The following HDAC9 variants were observed in gnomAD, a reference collection of about 807,000 sequenced individuals.
The protein encoded by HDAC9 is MEF-2 interacting transcription repressor (MITR) protein.
In HDAC9, 41 loss-of-function variants were observed where a neutral mutation model predicts 139.4. The observed-to-expected ratio is 0.29, with a 90% CI of 0.23 to 0.38. The LOEUF is 0.38. Among genes scored for constraint, HDAC9 ranks in the 10% least tolerant of loss-of-function variants. The probability of loss-of-function intolerance (pLI) is 1.00; values close to 1 mark genes in which losing one functional copy is unlikely to be tolerated. For synonymous variants in HDAC9, 517 were observed against 476.2 expected, an observed-to-expected ratio of 1.09 and a Z score of -1.12; for missense variants, 1,147 against 1,297.0, an observed-to-expected ratio of 0.88 and a Z score of 1.78.
intron 5 of HDAC9, 62 bp from the exon 6 acceptor site, chr7:18,593,846 T>C: frequency 6.3e-7 from 1 of 1,582,502 alleles, no homozygotes; most frequent in Non-Finnish European, 8.7e-7. Context: ...CAGCTGATTA[T>C]TGCTGACCAA....
chr7:18,873,485 TA>T (rs1376928658), intron 21 of HDAC9, among the ~76,000 whole-genome samples: 2 of 152,182 alleles, frequency 1.3e-5, no homozygotes, highest in African/African-American at 2.4e-5. Context: ...TAACATTTTT[TA>T]AATATAAAAT....
intron 25 of HDAC9, among the ~76,000 whole-genome samples, chr7:18,987,446 A>G (rs1259095551): frequency 6.6e-6 from 1 of 152,084 alleles, no homozygotes; most frequent in Non-Finnish European, 1.5e-5. Flanking sequence ...AAGCTTTTTG[A>G]TGTGCTGCTG....
chr7:18,548,233 G>A (rs10242336), intron 2 of HDAC9, among the ~76,000 whole-genome samples: 4 of 152,006 alleles, frequency 2.6e-5, no homozygotes, highest in African/African-American at 4.8e-5. Flanking sequence ...TAAGTTCGCC[G>A]TCTTATATGG....
intron 6 of HDAC9, among the ~76,000 whole-genome samples, chr7:18,609,658 TGTAGG>T (rs1418756862): frequency 6.6e-6 from 1 of 152,196 alleles, no homozygotes; most frequent in Non-Finnish European, 1.5e-5. Flanking sequence ...TACTTTAAGT[TGTAGG>T]GTACATGTGC....
intron 17 of HDAC9, among the ~76,000 whole-genome samples, chr7:18,823,768 C>A (rs1306173861): frequency 6.6e-6 from 1 of 151,896 alleles, no homozygotes; most frequent in African/African-American, 2.4e-5. Context: ...CACTTGAGCT[C>A]AGGAGTTTGA....
chr7:18,977,294 G>C (rs546595012), intron 25 of HDAC9, among the ~76,000 whole-genome samples: 1 of 152,224 alleles, frequency 6.6e-6, no homozygotes, highest in South Asian at 2.1e-4. Flanking sequence ...AAAACAGTTA[G>C]TTGTCTGTCA....
At chr7:18,283,221 A>G (rs187625527) in intron 2 of HDAC9, among the ~76,000 whole-genome samples, 2 of 152,256 alleles carry the variant, frequency 1.3e-5, no homozygotes, top group East Asian at 3.9e-4. Context: ...CAAAGAGGAA[A>G]CAGGCAGCTT....
chr7:18,359,777 T>G (rs996723862), intron 1 of HDAC9, among the ~76,000 whole-genome samples: 7 of 152,146 alleles, frequency 4.6e-5, no homozygotes, highest in African/African-American at 1.7e-4. Context: ...CCCAGCTAAC[T>G]TTTGTATTTT....
intron 1 of HDAC9, among the ~76,000 whole-genome samples, chr7:18,362,169 C>G (rs944997269): frequency 6.6e-6 from 1 of 152,210 alleles, no homozygotes; most frequent in Admixed American, 6.5e-5. Context: ...AATGATCTAA[C>G]CTTTCATACT....
intron 22 of HDAC9, among the ~76,000 whole-genome samples, chr7:18,875,893 C>T (rs1799286930): frequency 6.6e-6 from 1 of 151,922 alleles, no homozygotes; most frequent in African/African-American, 2.4e-5. Context: ...TTGAGATAAA[C>T]CCAAAAAAAT....
At chr7:18,549,165 G>T (rs1165861591) in intron 2 of HDAC9, among the ~76,000 whole-genome samples, 2 of 152,190 alleles carry the variant, frequency 1.3e-5, no homozygotes, top group African/African-American at 4.8e-5. Context: ...TTGGACCTGG[G>T]AGGTGGGGGT....
chr7:18,648,739 C>A, intron 11 of HDAC9, 56 bp downstream of exon 11: 1 of 1,419,970 alleles, frequency 7.0e-7, no homozygotes, highest in South Asian at 1.2e-5. Context: ...AATTGGGTAT[C>A]TCTTCACTGA....
At chr7:18,737,568 G>T (rs1269007076) in intron 13 of HDAC9, among the ~76,000 whole-genome samples, 1 of 151,950 alleles carries the variant, frequency 6.6e-6, no homozygotes, top group Non-Finnish European at 1.5e-5. Flanking sequence ...GTTTTCATTA[G>T]AATTAATTAG....
chr7:18,406,613 T>A (rs1248304077), intron 1 of HDAC9, among the ~76,000 whole-genome samples: 1 of 152,150 alleles, frequency 6.6e-6, no homozygotes, highest in African/African-American at 2.4e-5. Flanking sequence ...ATGGTCTCAA[T>A]CTCCTGACCT....
rs138755762 is a variant in HDAC9 at position 18,781,962 on chromosome 7, C to T, written c.2215-11383C>T. Among the ~76,000 whole-genome samples, 33 of 152,136 alleles carry T rather than the reference C, an allele frequency of 2.2e-4. 1 individual carries two copies. Among genetic ancestry groups the T allele is most frequent in the African/African-American group, 3.9e-4 (16 of 41,538 alleles). ...TTAAAATGATTTTTATTTTATTTTG[C>T]GGTTTAGCTTTAATACAACCTGCTA... On this transcript the variant is annotated intron_variant, in intron 16 of 25. Coordinates refer to ENST00000686413, the MANE Select transcript of HDAC9 (RefSeq NM_178425.4).
At chr7:18,480,422 C>T (rs1467137483) in intron 1 of HDAC9, among the ~76,000 whole-genome samples, 1 of 152,118 alleles carries the variant, frequency 6.6e-6, no homozygotes, top group Non-Finnish European at 1.5e-5. Flanking sequence ...ATTCTAAAAC[C>T]AGACAACCTG....
intron 2 of HDAC9, among the ~76,000 whole-genome samples, chr7:18,181,904 CAA>C (rs1157157742): frequency 3.3e-5 from 5 of 152,106 alleles, no homozygotes; most frequent in African/African-American, 7.2e-5. Flanking sequence ...TATATAGAAA[CAA>C]AATAGTTTGG....
chr7:18,230,085 A>C (rs1366945993), intron 2 of HDAC9, among the ~76,000 whole-genome samples: 1 of 152,180 alleles, frequency 6.6e-6, no homozygotes, highest in Non-Finnish European at 1.5e-5. Context: ...TGGGATGAGG[A>C]TCTATATAAC....
chr7:18,745,648 A>G (rs1178158), intron 13 of HDAC9, among the ~76,000 whole-genome samples: 37,521 of 146,118 alleles, frequency 0.26, 5,272 homozygotes, highest in East Asian at 0.66. Flanking sequence ...CCGGGTTCAC[A>G]CCATTCTCCT....
Sources: gnomAD v4.1 joint callset for allele counts (sites outside exome capture counted in the v4.1 genomes callset) on GRCh38, gnomAD v4.1.1 for gene constraint, MANE v1.5 for transcripts, NCBI Gene and HGNC (gene_info 2026-07-23, HGNC 2026-07-21) for gene names.